CLINT1: variants seen among roughly 807,000 people sequenced by gnomAD.
CLINT1 encodes clathrin interacting protein localized in the trans-Golgi region.
Under a neutral mutation model 70.4 loss-of-function variants are expected in CLINT1, and 15 were observed. That is an observed-to-expected ratio of 0.21 (90% CI 0.14 to 0.33). The LOEUF (loss-of-function observed/expected upper bound fraction) is 0.33, where lower values mean the gene tolerates loss of function less well. CLINT1 is among the 10% of genes least tolerant of loss of function. The probability of loss-of-function intolerance (pLI) is 1.00; values close to 1 mark genes in which losing one functional copy is unlikely to be tolerated. For synonymous variants in CLINT1, 227 were observed against 254.7 expected (o/e 0.89, Z 1.04); for missense variants, 615 against 778.1 (o/e 0.79, Z 2.49).
intron 1 of CLINT1, among the ~76,000 whole-genome samples, chr5:157,825,485 T>C (rs1215657900): frequency 6.6e-6 from 1 of 152,146 alleles, no homozygotes; most frequent in Admixed American, 6.5e-5. Flanking sequence ...AGCCCCATAA[T>C]ACTTTTTAAA....
chr5:157,857,067 C>T lies in CLINT1; in HGVS notation c.41+1863G>A, dbSNP rs372585864. 1.8e-4 allele frequency among the ~76,000 whole-genome samples: 27 copies of T among 152,086 alleles called. No homozygotes were observed. In the East Asian group the frequency reaches 4.6e-3, roughly 26 times the overall value. On this transcript the variant is annotated intron_variant, in intron 1 of 11. Coordinates refer to ENST00000411809, the MANE Select transcript of CLINT1 (RefSeq NM_014666.4). ...CAAGGTGTTTCTTAATGGTTTTATT[C>T]TTCTGACCTCTGACTGAGAAATAAG...
intron 7 of CLINT1, 57 bp downstream of exon 7, chr5:157,805,809 A>C: frequency 6.3e-7 from 1 of 1,599,292 alleles, no homozygotes; most frequent in Non-Finnish European, 8.6e-7. Flanking sequence ...CAGGAATTCG[A>C]AGAGCGGTTT....
At chr5:157,856,731 T>C (rs910155877) in intron 1 of CLINT1, among the ~76,000 whole-genome samples, 1 of 152,202 alleles carries the variant, frequency 6.6e-6, no homozygotes, top group Non-Finnish European at 1.5e-5. Flanking sequence ...TTAATATGTG[T>C]CAGACACCCA....
chr5:157,831,693 C>CTTTT lies in CLINT1; in HGVS notation c.42-14150_42-14147dup, dbSNP rs35629225. 4.0e-5 allele frequency among the ~76,000 whole-genome samples: 5 copies of CTTTT among 123,924 alleles called. No individual in the cohort carries two copies. In the South Asian group the frequency reaches 7.9e-4, roughly 20 times the overall value. The allele number at this position is 123,924 out of a possible 152,430, so 81.3% of individuals were successfully genotyped here. A position where few individuals can be genotyped will look rare whatever the true frequency, so the allele number is the denominator to read the frequency against. The stretch of plus-strand genomic sequence containing the variant: ...ATCAAGTCCCAAGAGTGAAAATATC[C>CTTTT]TTTTTTTTTTTTTTTTTTTTTAAGA... On this transcript the variant is annotated intron_variant, in intron 1 of 11. Transcript: ENST00000411809.
intron 7 of CLINT1, among the ~76,000 whole-genome samples, chr5:157,804,736 C>T (rs1000259218): frequency 6.6e-6 from 1 of 152,030 alleles, no homozygotes; most frequent in Admixed American, 6.6e-5. Context: ...ACTAGCCTGA[C>T]CAACATGGAG....
intron 1 of CLINT1, among the ~76,000 whole-genome samples, chr5:157,854,056 G>A (rs1283772917): frequency 1.3e-5 from 2 of 151,938 alleles, no homozygotes; most frequent in African/African-American, 2.4e-5. Flanking sequence ...ACTTATAATC[G>A]GTTCAAAGAA....
At chr5:157,833,774 T>C (rs1763325393) in intron 1 of CLINT1, among the ~76,000 whole-genome samples, 1 of 151,566 alleles carries the variant, frequency 6.6e-6, no homozygotes, top group South Asian at 2.1e-4. Flanking sequence ...TCCTCATCTT[T>C]ACAAAAAAAT....
rs1561645095 is a variant in CLINT1, at chr5:157,806,045, C to T, written c.763G>A (p.Glu255Lys). 1.9e-6 allele frequency: 3 copies of T among 1,613,936 alleles called. No homozygotes were observed. Among genetic ancestry groups the T allele is most frequent in the Non-Finnish European group, 2.5e-6 (3 of 1,179,868 alleles). ...TGAATATGCTTTGTCGTCACAGTCT[C>T]CTCTTCATCTTTGAATTCACCTTTG... The part of the protein sequence containing the change: ...SPKGEFKDEE[E>K]TVTTKHIHIT... Residue 255 changes from glutamate (E) to lysine (K), a missense_variant, in exon 7 of 12, where the codon GAG (glutamate) becomes AAG (lysine). Glu to Lys is a moderately conservative substitution (Grantham distance 56). This residue lies in a region of CLINT1 where 241 missense variants were observed against 368.6 expected (regional missense o/e 0.65). Coordinates refer to ENST00000411809, the MANE Select transcript of CLINT1 (RefSeq NM_014666.4).
chr5:157,850,649 C>T (rs1015622397), intron 1 of CLINT1, among the ~76,000 whole-genome samples: 6 of 147,842 alleles, frequency 4.1e-5, no homozygotes, highest in Admixed American at 4.0e-4. Context: ...ATTATTTAAC[C>T]ATGGGGGTTT....
intron 1 of CLINT1, among the ~76,000 whole-genome samples, chr5:157,858,688 A>G (rs1429953488): frequency 6.6e-6 from 1 of 152,186 alleles, no homozygotes; most frequent in Non-Finnish European, 1.5e-5. Flanking sequence ...AAGGGACGGG[A>G]AGGCCTGGAA....
At chr5:157,798,308 C>A (rs553353415) in intron 8 of CLINT1, among the ~76,000 whole-genome samples, 17 of 152,290 alleles carry the variant, frequency 1.1e-4, no homozygotes, top group South Asian at 1.0e-3. Context: ...ATTTTCACAA[C>A]AAGTGCTATC....
intron 8 of CLINT1, among the ~76,000 whole-genome samples, chr5:157,800,387 A>C (rs1378551590): frequency 6.6e-6 from 1 of 152,166 alleles, no homozygotes; most frequent in Non-Finnish European, 1.5e-5. Context: ...AATGACACCC[A>C]AATGACATAC....
In CLINT1 at chr5:157,858,935, G is replaced by A. The variant is rs777387996; in HGVS notation, c.36C>T (p.Asp12=). The change falls in exon 1 of 12, where the codon GAC becomes GAT. Residue 12 remains aspartate, a synonymous_variant. Coordinates refer to ENST00000411809, the MANE Select transcript of CLINT1 (RefSeq NM_014666.4). ...AACTGCCCCCCGATACTCACGCTTT[G>A]TCCACCAGCTCGCGCACCTTCCACA... ...LNMWKVRELV[D]KATNVVMNYS... 4 of 1,598,192 alleles carry A rather than the reference G, an allele frequency of 2.5e-6. No homozygotes were observed. The highest frequency in any genetic ancestry group is 3.4e-6 in the Non-Finnish European group (4 of 1,176,488).
chr5:157,812,656 A>G (rs1389116621), intron 5 of CLINT1, among the ~76,000 whole-genome samples: 1 of 152,202 alleles, frequency 6.6e-6, no homozygotes, highest in Non-Finnish European at 1.5e-5. Flanking sequence ...TTTGGGCCAA[A>G]AATACAGCTA....
In CLINT1 at chr5:157,844,992, C is replaced by G. The variant is rs1753319763; in HGVS notation, c.41+13938G>C. ...ATATTGCAAGAGGTCAGAAAAAATT[C>G]CTTCTATGATAGGTGCATATGTGGA... On this transcript the variant is annotated intron_variant, in intron 1 of 11. Coordinates refer to ENST00000411809, the MANE Select transcript of CLINT1 (RefSeq NM_014666.4). 2.0e-5 allele frequency among the ~76,000 whole-genome samples: 3 copies of G among 152,294 alleles called. No homozygotes were observed. The South Asian group carries it at 6.2e-4, about 32-fold the overall frequency.
In CLINT1 at chr5:157,815,841, G is replaced by A. The variant is rs1440753309; in HGVS notation, c.243+893C>T. Among the ~76,000 whole-genome samples the A allele has an allele frequency of 2.0e-5, 3 of 152,266 alleles. No individual in the cohort carries two copies. In the East Asian group the frequency reaches 5.8e-4, roughly 29 times the overall value. On this transcript the variant is annotated intron_variant, in intron 3 of 11. Coordinates refer to ENST00000411809, the MANE Select transcript of CLINT1 (RefSeq NM_014666.4). ...CTATAGGCAGCTGTAACACAATGCT[G>A]AGTATTTTTGTATCTAAACATAGAA...
At position 157,809,711 on chromosome 5, in the gene CLINT1, C is replaced by T; in HGVS notation, c.612G>A (p.Leu204=). 1 of 1,613,368 alleles carries T rather than the reference C, an allele frequency of 6.2e-7. No homozygotes were observed. The part of the protein sequence containing the change: ...AFPFSDKLGE[L]SDKIGSTIDD... ...CAATTGTGCTTCCAATTTTATCACT[C>T]AGCTCACCTAATTTATCACTGAATG... The change falls in exon 6 of 12, where the codon CTG becomes CTA. Residue 204 remains leucine, a synonymous_variant. Transcript: ENST00000411809.
In CLINT1 at chr5:157,859,010, C is replaced by G; in HGVS notation, c.-40G>C. 1 of 1,609,188 alleles carries G rather than the reference C, an allele frequency of 6.2e-7. No homozygotes were observed. The highest frequency in any genetic ancestry group is 8.5e-7 in the Non-Finnish European group (1 of 1,177,910). ...GACGGTCCGCCGCCTCCCTCTCCTG[C>G]TCCCCACGGACCCCGGAACACTTCC... On this transcript the variant is annotated 5_prime_UTR_variant, in exon 1 of 12. Transcript: ENST00000411809.
intron 1 of CLINT1, among the ~76,000 whole-genome samples, chr5:157,846,151 C>T (rs999568174): frequency 6.6e-6 from 1 of 152,226 alleles, no homozygotes; most frequent in Non-Finnish European, 1.5e-5. Context: ...ACATCTCCTA[C>T]TTTCAATCAA....
Sources: gnomAD v4.1 joint callset for allele counts (sites outside exome capture counted in the v4.1 genomes callset) on GRCh38, gnomAD v4.1.1 for gene constraint, gnomAD v4.1.1 regional missense constraint, MANE v1.5 for transcripts, NCBI Gene and HGNC (gene_info 2026-07-23, HGNC 2026-07-21) for gene names.